MCU: variants seen among roughly 807,000 people sequenced by gnomAD.
The protein encoded by MCU is mitochondrial calcium uniporter, also known as calcium uniporter protein, mitochondrial.
A neutral mutation model predicts 45.2 loss-of-function variants in MCU; 12 were observed. That is an observed-to-expected ratio of 0.27 (90% confidence interval 0.17 to 0.43). The LOEUF is 0.43. Among genes scored for constraint, MCU ranks in the 20% least tolerant of loss-of-function variants. The pLI, the probability that MCU is intolerant of heterozygous loss-of-function variation, is 1.00. For missense variants in MCU, 324 were observed against 436.7 expected, an observed-to-expected ratio of 0.74 and a Z score of 2.30; for synonymous variants, 160 against 165.1, an observed-to-expected ratio of 0.97 and a Z score of 0.24.
intron 1 of MCU, among the ~76,000 whole-genome samples, chr10:72,807,894 C>T (rs1005806115): frequency 6.6e-6 from 1 of 152,172 alleles, no homozygotes; most frequent in African/African-American, 2.4e-5. Flanking sequence ...TGATTTCTGT[C>T]CAGATTCTGT....
At chr10:72,794,160 G>A (rs1844209705) in intron 1 of MCU, among the ~76,000 whole-genome samples, 1 of 151,896 alleles carries the variant, frequency 6.6e-6, no homozygotes, top group Admixed American at 6.6e-5. Flanking sequence ...AGGCTCCTTG[G>A]TCGCAGTTAC....
intron 2 of MCU, among the ~76,000 whole-genome samples, chr10:72,850,359 C>G (rs1021182478): frequency 6.6e-6 from 1 of 152,044 alleles, no homozygotes; most frequent in African/African-American, 2.4e-5. Flanking sequence ...TGAAATCATC[C>G]ATCATATATA....
chr10:72,819,727 C>T (rs1041109821), intron 1 of MCU, among the ~76,000 whole-genome samples: 180 of 102,418 alleles, frequency 1.8e-3, no homozygotes, highest in South Asian at 3.7e-3. Context: ...TTTTTCCAGT[C>T]TTTTTTTTTT....
At chr10:72,767,559 G>A (rs1843746032) in intron 1 of MCU, among the ~76,000 whole-genome samples, 1 of 151,760 alleles carries the variant, frequency 6.6e-6, no homozygotes, top group African/African-American at 2.4e-5. Flanking sequence ...TGTTGCTTGG[G>A]TTGGTCTTGA....
intron 4 of MCU, among the ~76,000 whole-genome samples, chr10:72,865,145 C>T (rs1845434155): frequency 6.6e-6 from 1 of 152,080 alleles, no homozygotes; most frequent in African/African-American, 2.4e-5. Flanking sequence ...TTAAATAAAG[C>T]TTTTCTCAAA....
At chr10:72,747,447 G>C (rs193232355) in intron 1 of MCU, among the ~76,000 whole-genome samples, 1 of 152,284 alleles carries the variant, frequency 6.6e-6, no homozygotes, top group African/African-American at 2.4e-5. Flanking sequence ...GACTGTTCTT[G>C]TTACAGATAA....
intron 1 of MCU, among the ~76,000 whole-genome samples, chr10:72,709,313 A>T (rs550119362): frequency 3.9e-5 from 6 of 152,276 alleles, no homozygotes; most frequent in African/African-American, 1.2e-4. Context: ...ATAAAAACCT[A>T]TTTTTCATTT....
At chr10:72,808,622 A>G (rs1001318982) in intron 1 of MCU, among the ~76,000 whole-genome samples, 1 of 152,228 alleles carries the variant, frequency 6.6e-6, no homozygotes, top group East Asian at 1.9e-4. Context: ...ACATAACTAT[A>G]AAGAACTACT....
chr10:72,848,512 T>G (rs955625296), intron 2 of MCU, among the ~76,000 whole-genome samples: 1 of 152,110 alleles, frequency 6.6e-6, no homozygotes, highest in Non-Finnish European at 1.5e-5. Flanking sequence ...CCTATGATAA[T>G]GGCAAAAATC....
chr10:72,742,272 G>C (rs1227859543), intron 1 of MCU, among the ~76,000 whole-genome samples: 1 of 152,102 alleles, frequency 6.6e-6, no homozygotes, highest in East Asian at 1.9e-4. Flanking sequence ...ATCTCAGTTT[G>C]TGTAAGTACA....
chr10:72,705,852 A>G (rs775826576), intron 1 of MCU, among the ~76,000 whole-genome samples: 1 of 151,966 alleles, frequency 6.6e-6, no homozygotes, highest in Non-Finnish European at 1.5e-5. Context: ...GTGGGTGCAC[A>G]CGCCTGTAAT....
At chr10:72,692,640 C>T in intron 1 of MCU, 1 of 1,144,910 alleles carries the variant, frequency 8.7e-7, no homozygotes, top group Non-Finnish European at 1.1e-6. Context: ...ACAGCCCTGC[C>T]CCAAGGCTCC....
intron 1 of MCU, among the ~76,000 whole-genome samples, chr10:72,831,822 C>CA (rs1259309210): frequency 1.3e-5 from 2 of 151,740 alleles, no homozygotes; most frequent in Non-Finnish European, 2.9e-5. Context: ...GGCCCTGAAG[C>CA]AAAAATGTAG....
chr10:72,852,764 G>A (rs559765114), intron 2 of MCU, among the ~76,000 whole-genome samples: 2 of 152,228 alleles, frequency 1.3e-5, no homozygotes, highest in Non-Finnish European at 2.9e-5. Context: ...AAGAGAAAGA[G>A]GAGTCTCGGA....
At chr10:72,881,695 A>G (rs1845703971) in intron 6 of MCU, among the ~76,000 whole-genome samples, 1 of 152,242 alleles carries the variant, frequency 6.6e-6, no homozygotes, top group African/African-American at 2.4e-5. Flanking sequence ...TCCACTAGAA[A>G]AAATGGCAAG....
At chr10:72,720,611 T>TTATAGAATA (rs2132671670) in intron 1 of MCU, among the ~76,000 whole-genome samples, 1 of 152,332 alleles carries the variant, frequency 6.6e-6, no homozygotes, top group South Asian at 2.1e-4. Context: ...CCTTTCCAAT[T>TTATAGAATA]TATAGAATAC....
intron 2 of MCU, among the ~76,000 whole-genome samples, chr10:72,850,173 G>A (rs1845186313): frequency 6.6e-6 from 1 of 151,884 alleles, no homozygotes; most frequent in African/African-American, 2.4e-5. Context: ...GCCTGGCCCA[G>A]GAATATTATC....
At position 72,774,388 on chromosome 10, in the gene MCU, A is replaced by G. The variant is rs1285936604; in HGVS notation, c.151-59971A>G. On this transcript the variant is annotated intron_variant, in intron 1 of 7. Transcript: ENST00000373053. ...GATGTTTTTTGTAAGCCTCATGGTA[A>G]CCAGAGTACAAAAACCTATAATAGA... 1.1e-4 allele frequency among the ~76,000 whole-genome samples: 17 copies of G among 152,188 alleles called. 1 individual carries two copies. Among genetic ancestry groups the G allele is most frequent in the Admixed American group, 1.0e-3 (16 of 15,276 alleles).
intron 1 of MCU, among the ~76,000 whole-genome samples, chr10:72,822,227 G>A (rs561938988): frequency 1.8e-4 from 28 of 152,200 alleles, no homozygotes; most frequent in African/African-American, 4.6e-4. Context: ...AGCCGAGATC[G>A]CACCACTGCA....
Sources: allele counts gnomAD v4.1 joint callset (sites outside exome capture counted in the v4.1 genomes callset), GRCh38; gene constraint gnomAD v4.1.1; transcripts MANE v1.5; gene names NCBI Gene and HGNC (gene_info 2026-07-23, HGNC 2026-07-21).